PPP1R1C: variants seen among roughly 807,000 people sequenced by gnomAD.
The protein encoded by PPP1R1C is protein phosphatase 1 regulatory subunit 1C.
Under a neutral mutation model 17.4 loss-of-function variants are expected in PPP1R1C, and 15 were observed. The observed-to-expected ratio is 0.86, with a 90% CI of 0.58 to 1.33. PPP1R1C has a LOEUF of 1.33. PPP1R1C is among the 40% of genes most tolerant of loss of function. The probability of loss-of-function intolerance (pLI) is 0.00; values close to 1 mark genes in which losing one functional copy is unlikely to be tolerated. For missense variants in PPP1R1C, 143 were observed against 130.0 expected, an observed-to-expected ratio of 1.10 and a Z score of -0.48; for synonymous variants, 35 against 43.1, an observed-to-expected ratio of 0.81 and a Z score of 0.73.
At chr2:181,997,274 C>T (rs1431605699) in intron 2 of PPP1R1C, among the ~76,000 whole-genome samples, 1 of 150,380 alleles carries the variant, frequency 6.6e-6, no homozygotes, top group Non-Finnish European at 1.5e-5. Context: ...CAAATATTTA[C>T]ATGCATGAAC....
At chr2:182,052,535 C>T (rs3108789) in intron 2 of PPP1R1C, among the ~76,000 whole-genome samples, 6,520 of 152,164 alleles carry the variant, frequency 0.043, 427 homozygotes, top group Admixed American at 0.18. Context: ...AATTCGATTT[C>T]GGTGAATTCT....
intron 4 of PPP1R1C, among the ~76,000 whole-genome samples, chr2:182,074,870 A>G (rs1181599746): frequency 2.6e-5 from 4 of 152,234 alleles, no homozygotes; most frequent in African/African-American, 9.6e-5. Flanking sequence ...ACAAATATTT[A>G]TTAAACTTGT....
intron 2 of PPP1R1C, among the ~76,000 whole-genome samples, chr2:182,015,718 C>T (rs1282704372): frequency 6.6e-6 from 1 of 152,146 alleles, no homozygotes; most frequent in Non-Finnish European, 1.5e-5. Context: ...GGAGCTAGGG[C>T]CTGGAATGGG....
intron 2 of PPP1R1C, among the ~76,000 whole-genome samples, chr2:182,046,795 T>C (rs1257559705): frequency 6.6e-6 from 1 of 151,710 alleles, no homozygotes; most frequent in Non-Finnish European, 1.5e-5. Flanking sequence ...TGGACAATCA[T>C]GGCAAGTAAT....
intron 5 of PPP1R1C, among the ~76,000 whole-genome samples, chr2:182,128,301 C>T (rs1481660274): frequency 6.6e-6 from 1 of 152,124 alleles, no homozygotes; most frequent in Admixed American, 6.6e-5. Flanking sequence ...CAAAAGGTAG[C>T]GTCTCCTTTT....
chr2:182,067,845 CAG>C (rs1688031155), intron 4 of PPP1R1C, among the ~76,000 whole-genome samples: 1 of 152,082 alleles, frequency 6.6e-6, no homozygotes. Context: ...TACTTGGAAA[CAG>C]AGTTTATTAG....
At chr2:182,103,191 G>A (rs923970734) in intron 4 of PPP1R1C, among the ~76,000 whole-genome samples, 26 of 152,112 alleles carry the variant, frequency 1.7e-4, no homozygotes, top group African/African-American at 5.1e-4. Flanking sequence ...TCTCAAGTTA[G>A]TGATACTTGT....
At chr2:182,083,999 A>T (rs1688555192) in intron 4 of PPP1R1C, among the ~76,000 whole-genome samples, 1 of 152,134 alleles carries the variant, frequency 6.6e-6, no homozygotes, top group African/African-American at 2.4e-5. Context: ...TTTAATCTGC[A>T]TTTCCCTGAT....
intron 4 of PPP1R1C, among the ~76,000 whole-genome samples, chr2:182,093,329 G>C: frequency 6.6e-6 from 1 of 152,120 alleles, no homozygotes; most frequent in Non-Finnish European, 1.5e-5. Flanking sequence ...TGGAGACCCT[G>C]GACCTGGCCC....
Position 181,986,146 on chromosome 2 carries a change from C to T in PPP1R1C, c.36C>T (p.Ala12=), listed in dbSNP as rs758312542. 22 of 1,613,562 alleles carry T rather than the reference C, an allele frequency of 1.4e-5. No individual in the cohort carries two copies. Among genetic ancestry groups the T allele is most frequent in the East Asian group, 8.9e-5 (4 of 44,890 alleles). ...EPNSPKKIQF[A]VPVFQSQIAP... Reference sequence around the variant, plus strand: ...ACAGTCCCAAAAAGATACAGTTTGCCGTGCCTGTATTCCAGAGTCAGATTG... The same window carrying T: ...ACAGTCCCAAAAAGATACAGTTTGCTGTGCCTGTATTCCAGAGTCAGATTG... The change falls in exon 1 of 5, where the codon GCC becomes GCT. Residue 12 remains alanine, a synonymous_variant. Coordinates refer to ENST00000682840, the MANE Select transcript of PPP1R1C (RefSeq NM_001080545.3).
intron 4 of PPP1R1C, among the ~76,000 whole-genome samples, chr2:182,114,751 C>T (rs948988299): frequency 3.9e-5 from 6 of 152,126 alleles, no homozygotes; most frequent in Non-Finnish European, 8.8e-5. Flanking sequence ...AATAGTAATG[C>T]CACAATTGTA....
At chr2:181,971,991 TCAGTGCCTCTTC>T (rs1685018591) in intron 1 of PPP1R1C, among the ~76,000 whole-genome samples, 1 of 152,232 alleles carries the variant, frequency 6.6e-6, no homozygotes, top group Non-Finnish European at 1.5e-5. Context: ...ACTACCCTCT[TCAGTGCCTCTTC>T]CAGTGATATA....
At chr2:182,053,757 TTTTA>T (rs200477341) in intron 2 of PPP1R1C, among the ~76,000 whole-genome samples, 4 of 151,194 alleles carry the variant, frequency 2.6e-5, no homozygotes, top group African/African-American at 4.8e-5. Flanking sequence ...TTTTGCAGAT[TTTTA>T]TTTATTTATT....
chr2:181,964,710 T>A (rs1684876268), intron 1 of PPP1R1C, among the ~76,000 whole-genome samples: 1 of 152,056 alleles, frequency 6.6e-6, no homozygotes, highest in Non-Finnish European at 1.5e-5. Flanking sequence ...TATTTATTTA[T>A]TTATTTATTT....
At chr2:181,973,418 C>T (rs1197247340) in intron 1 of PPP1R1C, among the ~76,000 whole-genome samples, 2 of 152,220 alleles carry the variant, frequency 1.3e-5, no homozygotes, top group East Asian at 3.9e-4. Flanking sequence ...CAACATAAGT[C>T]CAAAACTTGA....
At chr2:181,983,782 T>C (rs1685237894), upstream of PPP1R1C, among the ~76,000 whole-genome samples, 1 of 152,226 alleles carries the variant, frequency 6.6e-6, no homozygotes, top group Non-Finnish European at 1.5e-5. Flanking sequence ...TATGCTTCAT[T>C]CTTTAAGAAT....
intron 2 of PPP1R1C, among the ~76,000 whole-genome samples, chr2:182,050,293 T>C (rs977090595): frequency 4.6e-5 from 7 of 152,250 alleles, no homozygotes; most frequent in Non-Finnish European, 7.3e-5. Flanking sequence ...TCAGTGGCTG[T>C]GTCTCTGATG....
chr2:182,107,537 T>C (rs1047655979), intron 4 of PPP1R1C, among the ~76,000 whole-genome samples: 1 of 152,206 alleles, frequency 6.6e-6, no homozygotes, highest in Non-Finnish European at 1.5e-5. Context: ...GTTTTACAAG[T>C]GGTGAGACCT....
intron 4 of PPP1R1C, among the ~76,000 whole-genome samples, chr2:182,077,559 A>G (rs1437507478): frequency 1.3e-5 from 2 of 152,150 alleles, no homozygotes; most frequent in African/African-American, 4.8e-5. Context: ...CTCTGAGATA[A>G]ATATATTTTT....
Sources: allele counts gnomAD v4.1 joint callset (sites outside exome capture counted in the v4.1 genomes callset), GRCh38; gene constraint gnomAD v4.1.1; transcripts MANE v1.5; gene names NCBI Gene and HGNC (gene_info 2026-07-23, HGNC 2026-07-21).